Variants in CD8A observed in about 807,000 individuals in gnomAD.
CD8A encodes T-cell surface glycoprotein CD8 alpha chain.
In CD8A, 25 loss-of-function variants were observed where a neutral mutation model predicts 24.2. The observed-to-expected ratio is 1.03, with a 90% CI of 0.75 to 1.44. The LOEUF (loss-of-function observed/expected upper bound fraction) is 1.44. Among genes scored for constraint, CD8A ranks in the 40% most tolerant of loss-of-function variants. CD8A has a pLI of 0.00. For synonymous variants in CD8A, 165 were observed against 149.9 expected (o/e 1.10, Z -0.74); for missense variants, 360 against 319.7 (o/e 1.13, Z -0.96).
At chr2:86,794,529 C>T (rs534094696), upstream of CD8A, among the ~76,000 whole-genome samples, 1 of 152,296 alleles carries the variant, frequency 6.6e-6, no homozygotes, top group African/African-American at 2.4e-5. Context: ...CTTGTTTTAT[C>T]TTAATTGGAA....
At chr2:86,793,047 C>T (rs1292948278), upstream of CD8A, among the ~76,000 whole-genome samples, 2 of 152,164 alleles carry the variant, frequency 1.3e-5, no homozygotes, top group Non-Finnish European at 2.9e-5. Context: ...TTGAATGTGT[C>T]CCTTAGATAT....
upstream of CD8A, chr2:86,791,664 T>C (rs567710168): frequency 2.2e-5 from 10 of 454,178 alleles, no homozygotes; most frequent in African/African-American, 1.6e-4. Flanking sequence ...ATGGCCTGCA[T>C]TGCTGGATGG....
chr2:86,789,526 G>A, intron 3 of CD8A, 93 bp from the exon 4 acceptor site: 6 of 1,342,158 alleles, frequency 4.5e-6, no homozygotes, highest in Non-Finnish European at 6.4e-6. Context: ...CTCAGATCTC[G>A]GTTTCCCACC....
chr2:86,792,766 G>C (rs1673353834), upstream of CD8A, among the ~76,000 whole-genome samples: 1 of 150,736 alleles, frequency 6.6e-6, no homozygotes, highest in Non-Finnish European at 1.5e-5. Context: ...AAAGTGTTGA[G>C]ATTACAGGTG....
rs1487571458 is a variant in CD8A, at chr2:86,790,889, G to A, written c.-64C>T. On this transcript the variant is annotated 5_prime_UTR_variant, in exon 1 of 6. Coordinates refer to ENST00000283635, the MANE Select transcript of CD8A (RefSeq NM_001768.7). ...GCGCGAGGGGAGGCGCGCGGGAGCC[G>A]GTGGGGCGCCGAGGGGGGAAAGTTG... 7 of 1,469,210 alleles carry A rather than the reference G, an allele frequency of 4.8e-6. No homozygotes were observed. The highest frequency in any genetic ancestry group is 1.2e-5 in the South Asian group (1 of 82,688). 91.0% of individuals were successfully genotyped at this position (1,469,210 alleles called of 1,614,324 possible). A position where few individuals can be genotyped will look rare whatever the true frequency, so the allele number is the denominator to read the frequency against.
At chr2:86,786,759 G>A (rs1344917346) in intron 5 of CD8A, among the ~76,000 whole-genome samples, 4 of 152,088 alleles carry the variant, frequency 2.6e-5, no homozygotes, top group Admixed American at 6.5e-5. Flanking sequence ...GGTAGCTCAC[G>A]CCTATAATCC....
intron 3 of CD8A, among the ~76,000 whole-genome samples, chr2:86,797,500 C>T (rs1339689631): frequency 2.0e-5 from 3 of 151,978 alleles, no homozygotes; most frequent in Non-Finnish European, 4.4e-5. Flanking sequence ...TGCCCCTGAC[C>T]CACATGAGGA....
At chr2:86,787,037 A>AAAG (rs1673042539) in intron 5 of CD8A, among the ~76,000 whole-genome samples, 1 of 139,386 alleles carries the variant, frequency 7.2e-6, no homozygotes, top group Non-Finnish European at 1.6e-5. Context: ...AAAAAAAAAA[A>AAAG]AAAGAAAAGA....
At chr2:86,789,454 G>C in intron 3 of CD8A, 21 bp from the exon 4 acceptor site, 1 of 1,572,566 alleles carries the variant, frequency 6.4e-7, no homozygotes, top group Non-Finnish European at 8.8e-7. Context: ...CAAAGACGCC[G>C]ACATTTAGGA....
At chr2:86,794,388 C>A (rs1309073534), upstream of CD8A, among the ~76,000 whole-genome samples, 2 of 152,178 alleles carry the variant, frequency 1.3e-5, no homozygotes, top group Non-Finnish European at 2.9e-5. Flanking sequence ...ACATGAACTG[C>A]AGGGACAACT....
chr2:86,789,203 G>T (rs538454113), intron 4 of CD8A, 120 bp downstream of exon 4: 194 of 754,060 alleles, frequency 2.6e-4, no homozygotes, highest in Non-Finnish European at 4.2e-4. Context: ...CTGCGGGGCA[G>T]CTCGGGAGTC....
At chr2:86,785,992 C>G (rs1345186768) in intron 5 of CD8A, 21 bp from the exon 6 acceptor site, 2 of 1,610,028 alleles carry the variant, frequency 1.2e-6, no homozygotes, top group South Asian at 2.2e-5. Flanking sequence ...GGAAAGCGAC[C>G]ATCATTGTAG....
At chr2:86,793,488 T>C (rs990684232), upstream of CD8A, among the ~76,000 whole-genome samples, 1 of 152,142 alleles carries the variant, frequency 6.6e-6, no homozygotes. Context: ...TCAACTCACA[T>C]GAATGAGGGA....
At position 86,790,420 on chromosome 2, in the gene CD8A, T is replaced by G. The variant is rs1673230400; in HGVS notation, c.311A>C (p.Asp104Ala). ...LGDTFVLTLS[D>A]FRRENEGYYF... is the part of the protein sequence containing the mutation. ...GTAGCCCTCGTTCTCTCGGCGGAAG[T>G]CGCTCAGGGTGAGGACGAAGGTGTC... Residue 104 changes from aspartate (D) to alanine (A), a missense_variant, in exon 2 of 6, where the codon GAC becomes GCC. Asp to Ala is a moderately radical substitution (Grantham distance 126, BLOSUM62 -2). Coordinates refer to ENST00000283635, the MANE Select transcript of CD8A (RefSeq NM_001768.7). 5 of 1,613,886 alleles carry G rather than the reference T, an allele frequency of 3.1e-6. No homozygotes were observed. Among genetic ancestry groups the G allele is most frequent in the Non-Finnish European group, 3.4e-6 (4 of 1,179,938 alleles).
chr2:86,798,470 C>T (rs372079217), intron 3 of CD8A, among the ~76,000 whole-genome samples: 60 of 152,072 alleles, frequency 3.9e-4, no homozygotes, highest in East Asian at 1.5e-3. Context: ...CCACTGTGCC[C>T]GGCCAGAAAC....
rs2104426516 is a variant in CD8A, at chr2:86,785,925, C to A, written c.703G>T (p.Val235Phe). The change falls in exon 6 of 6, where the codon GTC becomes TTC. Residue 235 changes from valine (V) to phenylalanine (F), a missense_variant. Val to Phe is a conservative substitution (Grantham distance 50). Coordinates refer to ENST00000283635, the MANE Select transcript of CD8A (RefSeq NM_001768.7). ...GTAGTGGCTGTTGCACAGGGTTAGA[C>A]GTATCTCGCCGAAAGGCTGGGCTTG... ...GDKPSLSARY[V>F] 1 of 1,611,882 alleles carries A rather than the reference C, an allele frequency of 6.2e-7. No homozygotes were observed.
chr2:86,785,271 G>T lies in CD8A; in HGVS notation c.*649C>A, dbSNP rs968348404. ...TTTAGGTCTATACAATTTTAGGCTT[G>T]ATTATAAAAAAAAAAAGTCTGATAT... On this transcript the variant is annotated 3_prime_UTR_variant, in exon 6 of 6. Coordinates refer to ENST00000283635, the MANE Select transcript of CD8A (RefSeq NM_001768.7). 4.5e-6 allele frequency: 2 copies of T among 444,298 alleles called. No homozygotes were observed. Among genetic ancestry groups the T allele is most frequent in the African/African-American group, 4.3e-5 (2 of 46,636 alleles). The allele number at this position is 444,298 out of a possible 1,614,324, so 27.5% of individuals were successfully genotyped here. A position where few individuals can be genotyped will look rare whatever the true frequency, so the allele number is the denominator to read the frequency against.
chr2:86,789,783 G>C (rs1673193025), intron 2 of CD8A, 33 bp from the exon 3 acceptor site: 1 of 1,282,836 alleles, frequency 7.8e-7, no homozygotes, highest in East Asian at 3.0e-5. Context: ...TTGGGGGCCA[G>C]GCTGGGGTTA....
upstream of CD8A, among the ~76,000 whole-genome samples, chr2:86,795,126 C>T (rs769337160): frequency 3.3e-5 from 5 of 152,182 alleles, no homozygotes; most frequent in Non-Finnish European, 7.3e-5. Flanking sequence ...AGCTTGACAA[C>T]CAAACCCTTG....
Sources: gnomAD v4.1 joint callset for allele counts (sites outside exome capture counted in the v4.1 genomes callset) on GRCh38, gnomAD v4.1.1 for gene constraint, MANE v1.5 for transcripts, NCBI Gene and HGNC (gene_info 2026-07-23, HGNC 2026-07-21) for gene names.